LONP2: variants seen among roughly 807,000 people sequenced by gnomAD.
The protein encoded by LONP2 is lon protease homolog 2, peroxisomal.
A neutral mutation model predicts 85.6 loss-of-function variants in LONP2; 60 were observed. The ratio of observed to expected loss-of-function variants is 0.70; its 90% confidence interval spans 0.57 to 0.87. LONP2 has a LOEUF of 0.87. LONP2 is among the 40% of genes least tolerant of loss of function. The pLI, the probability that LONP2 is intolerant of heterozygous loss-of-function variation, is 0.00. For missense variants in LONP2, 860 were observed against 1,063.5 expected, an observed-to-expected ratio of 0.81 and a Z score of 2.66; for synonymous variants, 395 against 389.7, an observed-to-expected ratio of 1.01 and a Z score of -0.16.
intron 3 of LONP2, among the ~76,000 whole-genome samples, chr16:48,258,345 CA>C (rs75252938): frequency 0.27 from 28,590 of 107,542 alleles, 3,208 homozygotes; most frequent in African/African-American, 0.41. Context: ...GATTCCGTCT[CA>C]AAAAAAAAAA....
intron 11 of LONP2, among the ~76,000 whole-genome samples, chr16:48,313,545 T>C (rs985912703): frequency 4.6e-5 from 7 of 152,190 alleles, no homozygotes; most frequent in African/African-American, 1.7e-4. Context: ...GTTGTCATTG[T>C]TCAGCTCCCA....
At chr16:48,254,835 G>C (rs1971725710) in intron 2 of LONP2, among the ~76,000 whole-genome samples, 1 of 152,090 alleles carries the variant, frequency 6.6e-6, no homozygotes, top group African/African-American at 2.4e-5. Context: ...GCAGTGTTTT[G>C]GGTCTGGCAA....
In LONP2 at chr16:48,323,036, C is replaced by G. The variant is rs138499324; in HGVS notation, c.1796-11180C>G. 6.9e-3 allele frequency among the ~76,000 whole-genome samples: 1,054 copies of G among 152,152 alleles called. 13 individuals are homozygous for G. The highest frequency in any genetic ancestry group is 0.025 in the African/African-American group (1,019 of 41,504). ...GTTGTTATGCAGTGCGTGACTATAC[C>G]CACTATATGTTCAAGTTCTAAATTG... On this transcript the variant is annotated intron_variant, in intron 11 of 14. Coordinates refer to ENST00000285737, the MANE Select transcript of LONP2 (RefSeq NM_031490.5).
chr16:48,277,781 C>T lies in LONP2; in HGVS notation c.1383+302C>T, dbSNP rs13336832. 4.3e-3 allele frequency among the ~76,000 whole-genome samples: 658 copies of T among 152,084 alleles called. 4 individuals are homozygous for T. Among genetic ancestry groups the T allele is most frequent in the African/African-American group, 0.015 (623 of 41,510 alleles). On this transcript the variant is annotated intron_variant, in intron 8 of 14. Coordinates refer to ENST00000285737, the MANE Select transcript of LONP2 (RefSeq NM_031490.5). ...CAGTTATGGCAAAAAAAACAGCAAG[C>T]AAGTCTCCTTCTCCCTGGGGTCCCC...
chr16:48,328,222 C>A (rs140187066), intron 11 of LONP2, among the ~76,000 whole-genome samples: 1 of 152,024 alleles, frequency 6.6e-6, no homozygotes. Flanking sequence ...CCAACCTGGC[C>A]AACATAGTGA....
At chr16:48,350,723 G>C (rs1407089170) in intron 14 of LONP2, among the ~76,000 whole-genome samples, 1 of 152,184 alleles carries the variant, frequency 6.6e-6, no homozygotes. Flanking sequence ...CTGGGTTCTT[G>C]TGGCCCAGGG....
intron 11 of LONP2, among the ~76,000 whole-genome samples, chr16:48,305,067 C>G (rs1331025513): frequency 1.3e-5 from 2 of 152,150 alleles, no homozygotes; most frequent in Non-Finnish European, 2.9e-5. Flanking sequence ...GTGGCCAGTA[C>G]AGTGCTTCAC....
At position 48,354,620 on chromosome 16, in the gene LONP2, T is replaced by C. The variant is rs77612130; in HGVS notation, c.*2818T>C. On this transcript the variant is annotated 3_prime_UTR_variant, in exon 15 of 15. Transcript: ENST00000285737. The stretch of plus-strand genomic sequence containing the variant: ...ACCACTATTTCACTTTCTTTCTGAA[T>C]TTCCCTTCATATGAGTGGGATCAAA... 930 of 152,376 alleles carry C rather than the reference T, an allele frequency of 6.1e-3. 7 individuals carry two copies. Among genetic ancestry groups the C allele is most frequent in the Non-Finnish European group, 0.01 (703 of 68,120 alleles). 9.4% of individuals were successfully genotyped at this position (152,376 alleles called of 1,614,324 possible).
intron 9 of LONP2, 67 bp from the exon 10 acceptor site, chr16:48,299,594 CA>C (rs901441274): frequency 2.7e-5 from 39 of 1,469,952 alleles, no homozygotes; most frequent in Non-Finnish European, 3.2e-5. Context: ...AAAAAAAAAA[CA>C]AAAAACAAAG....
intron 11 of LONP2, among the ~76,000 whole-genome samples, chr16:48,319,271 C>G (rs920691995): frequency 6.6e-6 from 1 of 151,996 alleles, no homozygotes; most frequent in Admixed American, 6.6e-5. Flanking sequence ...ATCTCAGCTA[C>G]TTGGGAGGGT....
chr16:48,317,341 C>T (rs997096885), intron 11 of LONP2, among the ~76,000 whole-genome samples: 4 of 152,136 alleles, frequency 2.6e-5, no homozygotes, highest in Non-Finnish European at 5.9e-5. Flanking sequence ...GCTTTGACAA[C>T]CTCTAATTTT....
In LONP2 at chr16:48,290,377, C is replaced by T. The variant is rs552955955; in HGVS notation, c.1384-5638C>T. On this transcript the variant is annotated intron_variant, in intron 8 of 14. Transcript: ENST00000285737. ...GCCAAGCAAGCAGTTCTTCAGCAAC[C>T]GACCACAGCTGGGTGTCCTCTAATT... Among the ~76,000 whole-genome samples, 12 of 152,208 alleles carry T rather than the reference C, an allele frequency of 7.9e-5. No individual in the cohort carries two copies. In the East Asian group the frequency reaches 1.5e-3, roughly 20 times the overall value.
intron 9 of LONP2, among the ~76,000 whole-genome samples, chr16:48,297,051 A>G (rs1159974814): frequency 6.6e-6 from 1 of 152,184 alleles, no homozygotes; most frequent in African/African-American, 2.4e-5. Context: ...CTTGTTGCCC[A>G]GGCTGGAGTG....
intron 3 of LONP2, among the ~76,000 whole-genome samples, chr16:48,257,744 C>A (rs1287224421): frequency 6.6e-6 from 1 of 152,146 alleles, no homozygotes; most frequent in Non-Finnish European, 1.5e-5. Flanking sequence ...ACAACTAACA[C>A]AAACAGGTTG....
Position 48,259,409 on chromosome 16 carries a change from G to A in LONP2, c.723+669G>A, listed in dbSNP as rs1971830059. Among the ~76,000 whole-genome samples, 5 of 152,078 alleles carry A rather than the reference G, an allele frequency of 3.3e-5. No homozygotes were observed. The South Asian group carries it at 1.0e-3, about 32-fold the overall frequency. On this transcript the variant is annotated intron_variant, in intron 4 of 14. Coordinates refer to ENST00000285737, the MANE Select transcript of LONP2 (RefSeq NM_031490.5). ...CATCTATTACATTTATATGTATGATGGGATCTGTTTGAAGTCTACCTTGAT... is the reference window on the plus strand; with the variant it reads ...CATCTATTACATTTATATGTATGATAGGATCTGTTTGAAGTCTACCTTGAT...
chr16:48,304,124 G>C (rs1972864067), intron 11 of LONP2, among the ~76,000 whole-genome samples: 1 of 152,202 alleles, frequency 6.6e-6, no homozygotes, highest in Non-Finnish European at 1.5e-5. Context: ...TGTACGTTAT[G>C]TATGGGTTCT....
rs1403635454 is a variant in LONP2, at chr16:48,362,580, A to T, written c.*717A>T. 2.3e-5 allele frequency: 17 copies of T among 751,878 alleles called. No individual in the cohort carries two copies. The highest frequency in any genetic ancestry group is 3.0e-5 in the Non-Finnish European group (14 of 465,080). The allele number at this position is 751,878 out of a possible 1,614,324, so 46.6% of individuals were successfully genotyped here. ...GAAAAATAGGATTAAAAAAGATATT[A>T]AAAAAATAAAATTACACTGAATGTG... On this transcript the variant is annotated 3_prime_UTR_variant, in exon 5 of 5. Transcript: ENST00000565867. This position sits in a 1 kb window ranked among gnomAD's most constrained non-coding sequence, Gnocchi z 4.2.
chr16:48,262,198 T>C lies in LONP2; in HGVS notation c.888-580T>C, dbSNP rs1971892486. ...GCAGAACACTTTGCTAAGCATTGCA[T>C]ATATTATGGAAGTAGCATTTGTTAT... On this transcript the variant is annotated intron_variant, in intron 5 of 14. Coordinates refer to ENST00000285737, the MANE Select transcript of LONP2 (RefSeq NM_031490.5). 2.0e-5 allele frequency among the ~76,000 whole-genome samples: 3 copies of C among 152,212 alleles called. No homozygotes were observed. The South Asian group carries it at 6.2e-4, about 31-fold the overall frequency.
intron 11 of LONP2, among the ~76,000 whole-genome samples, chr16:48,320,423 T>C (rs1003831438): frequency 1.3e-5 from 2 of 152,128 alleles, no homozygotes; most frequent in African/African-American, 4.8e-5. Context: ...TTGAGGAATA[T>C]GGGTTTCAGA....
Sources: allele counts gnomAD v4.1 joint callset (sites outside exome capture counted in the v4.1 genomes callset), GRCh38; gene constraint gnomAD v4.1.1; non-coding constraint Gnocchi (gnomAD v3.1); transcripts MANE v1.5; gene names NCBI Gene and HGNC (gene_info 2026-07-23, HGNC 2026-07-21).